SCMH1: variants seen among roughly 807,000 people sequenced by gnomAD.
SCMH1 encodes the protein Scm polycomb group protein homolog 1.
In SCMH1, 37 loss-of-function variants were observed where a neutral mutation model predicts 70.8. The observed-to-expected ratio is 0.52, with a 90% CI of 0.40 to 0.69. The LOEUF is 0.69. SCMH1 is among the 30% of genes least tolerant of loss of function. The pLI, the probability that SCMH1 is intolerant of heterozygous loss-of-function variation, is 0.00. For missense variants in SCMH1, 607 were observed against 827.3 expected (o/e 0.73, Z 3.27); for synonymous variants, 292 against 307.4 (o/e 0.95, Z 0.52).
intron 1 of SCMH1, among the ~76,000 whole-genome samples, chr1:41,222,525 G>T (rs1659500830): frequency 6.6e-6 from 1 of 152,084 alleles, no homozygotes; most frequent in Non-Finnish European, 1.5e-5. Flanking sequence ...TCCTAGGAAT[G>T]CACCTTCTAT....
chr1:41,151,348 A>G (rs2148330909), intron 5 of SCMH1, among the ~76,000 whole-genome samples: 1 of 152,352 alleles, frequency 6.6e-6, no homozygotes, highest in Middle Eastern at 3.4e-3. Context: ...AGTAAAAATT[A>G]GCAGTTGTTT....
At chr1:41,118,602 G>C (rs1285605545) in intron 6 of SCMH1, among the ~76,000 whole-genome samples, 1 of 152,140 alleles carries the variant, frequency 6.6e-6, no homozygotes. Flanking sequence ...AAGGACCAAG[G>C]AATGACATTG....
intron 6 of SCMH1, among the ~76,000 whole-genome samples, chr1:41,119,452 A>C (rs554113267): frequency 9.4e-4 from 79 of 83,840 alleles, no homozygotes; most frequent in East Asian, 4.6e-3. Flanking sequence ...AAAAAAACAA[A>C]AAAAAAAAAA....
intron 6 of SCMH1, among the ~76,000 whole-genome samples, chr1:41,139,612 T>C (rs1457354579): frequency 6.6e-6 from 1 of 152,182 alleles, no homozygotes; most frequent in East Asian, 1.9e-4. Flanking sequence ...CACTACAGTG[T>C]AAGAATGAAG....
At chr1:41,195,723 G>A (rs1056893331) in intron 1 of SCMH1, among the ~76,000 whole-genome samples, 1 of 152,022 alleles carries the variant, frequency 6.6e-6, no homozygotes, top group Non-Finnish European at 1.5e-5. Flanking sequence ...AAAGTAATTA[G>A]GCAAGAAAAA....
Position 41,028,696 on chromosome 1 carries a change from G to GC in SCMH1, c.1708dup (p.Ala570GlyfsTer25). 1 of 1,614,100 alleles carries GC rather than the reference G, an allele frequency of 6.2e-7. No individual in the cohort carries two copies. Among genetic ancestry groups the GC allele is most frequent in the Non-Finnish European group, 8.5e-7 (1 of 1,180,012 alleles). On this transcript the variant is annotated frameshift_variant, in exon 14 of 15. Transcript: ENST00000337495. LOFTEE classifies it high-confidence loss of function. Reference sequence around the variant, plus strand: ...GGGGTCCCGGCCACTCAGTCGAGAGGCATCGCGGCTCTCCAGGTATCGGTC... The same window carrying GC: ...GGGGTCCCGGCCACTCAGTCGAGAGGCCATCGCGGCTCTCCAGGTATCGGTC...
chr1:41,223,330 T>C (rs961136113), intron 1 of SCMH1, among the ~76,000 whole-genome samples: 1 of 152,218 alleles, frequency 6.6e-6, no homozygotes, highest in African/African-American at 2.4e-5. Flanking sequence ...AATTGATAAC[T>C]GTCCTATGGG....
intron 5 of SCMH1, among the ~76,000 whole-genome samples, chr1:41,148,606 A>G (rs1028700189): frequency 9.2e-5 from 14 of 152,264 alleles, no homozygotes; most frequent in Non-Finnish European, 2.1e-4. Context: ...TGTTTCTGAC[A>G]AGAAATATAA....
intron 10 of SCMH1, among the ~76,000 whole-genome samples, chr1:41,060,866 C>T (rs1652379516): frequency 6.6e-6 from 1 of 151,924 alleles, no homozygotes; most frequent in Non-Finnish European, 1.5e-5. Flanking sequence ...TGCCTAGGTG[C>T]CAAGACCTTG....
At chr1:41,124,257 A>G (rs924233509) in intron 6 of SCMH1, among the ~76,000 whole-genome samples, 13 of 152,160 alleles carry the variant, frequency 8.5e-5, no homozygotes, top group African/African-American at 2.7e-4. Context: ...ACCCCTAAAT[A>G]TATCAGTATA....
chr1:41,073,618 T>TCATTCATC (rs1657262386), intron 9 of SCMH1, among the ~76,000 whole-genome samples: 1 of 148,640 alleles, frequency 6.7e-6, no homozygotes, highest in Non-Finnish European at 1.5e-5. Context: ...ATCACTAAAA[T>TCATTCATC]CATCCATCCA....
intron 8 of SCMH1, among the ~76,000 whole-genome samples, chr1:41,097,079 T>A (rs1315285318): frequency 6.6e-6 from 1 of 152,250 alleles, no homozygotes; most frequent in African/African-American, 2.4e-5. Context: ...AGTTTAGTGT[T>A]CTTGAAGTAA....
At chr1:41,156,289 A>T (rs993023266) in intron 4 of SCMH1, among the ~76,000 whole-genome samples, 4 of 152,212 alleles carry the variant, frequency 2.6e-5, no homozygotes, top group Non-Finnish European at 5.9e-5. Flanking sequence ...CCTAAATGTG[A>T]ACCCAAATTC....
chr1:41,200,437 G>A lies in SCMH1; in HGVS notation c.-117-14187C>T, dbSNP rs539401858. 1.6e-3 allele frequency among the ~76,000 whole-genome samples: 246 copies of A among 151,568 alleles called. 2 individuals carry two copies. The highest frequency in any genetic ancestry group is 5.7e-3 in the African/African-American group (236 of 41,332). On this transcript the variant is annotated intron_variant, in intron 1 of 14. Coordinates refer to ENST00000337495, the Ensembl canonical transcript of SCMH1. ...GGAGCTTGCAGTGAGCTGAGACTGC[G>A]CCACTGCACTCCAGCCTGAGCGAGA...
At chr1:41,148,763 A>C (rs1245593754) in intron 5 of SCMH1, among the ~76,000 whole-genome samples, 1 of 151,736 alleles carries the variant, frequency 6.6e-6, no homozygotes, top group African/African-American at 2.4e-5. Context: ...GAATTTCTTG[A>C]TTCTGTGGAC....
At chr1:41,174,920 T>C (rs1166138581) in intron 2 of SCMH1, among the ~76,000 whole-genome samples, 1 of 152,224 alleles carries the variant, frequency 6.6e-6, no homozygotes, top group Non-Finnish European at 1.5e-5. Context: ...GTGTGTTTTT[T>C]GTTGTATGCA....
intron 13 of SCMH1, among the ~76,000 whole-genome samples, chr1:41,032,606 A>G (rs1644685586): frequency 6.6e-6 from 1 of 152,132 alleles, no homozygotes; most frequent in South Asian, 2.1e-4. Flanking sequence ...AGTTACATGA[A>G]CCAACTTGCA....
At chr1:41,163,532 A>G (rs1474676572) in intron 2 of SCMH1, among the ~76,000 whole-genome samples, 1 of 152,242 alleles carries the variant, frequency 6.6e-6, no homozygotes, top group African/African-American at 2.4e-5. Context: ...TAATTAAGTT[A>G]AAATGAGGTC....
chr1:41,198,153 G>C (rs1049888903), intron 1 of SCMH1, among the ~76,000 whole-genome samples: 1 of 152,030 alleles, frequency 6.6e-6, no homozygotes, highest in African/African-American at 2.4e-5. Flanking sequence ...ATATATAGAG[G>C]GTGCTGCCTC....
Sources: allele counts gnomAD v4.1 joint callset (sites outside exome capture counted in the v4.1 genomes callset), GRCh38; gene constraint gnomAD v4.1.1; transcripts MANE v1.5; gene names NCBI Gene and HGNC (gene_info 2026-07-23, HGNC 2026-07-21).